CASQ2: variants seen among roughly 807,000 people sequenced by gnomAD.
CASQ2 encodes the protein calsequestrin-2.
Under a neutral mutation model 46.5 loss-of-function variants are expected in CASQ2, and 49 were observed. The observed-to-expected ratio is 1.05, with a 90% CI of 0.84 to 1.34. The LOEUF (loss-of-function observed/expected upper bound fraction) is 1.34. CASQ2 is among the 40% of genes most tolerant of loss of function. The pLI is 0.00. For missense variants in CASQ2, 486 were observed against 481.3 expected (o/e 1.01, Z -0.09); for synonymous variants, 174 against 168.5 (o/e 1.03, Z -0.25).
At chr1:115,707,608 C>T (rs1654402812) in intron 8 of CASQ2, among the ~76,000 whole-genome samples, 1 of 152,188 alleles carries the variant, frequency 6.6e-6, no homozygotes, top group Non-Finnish European at 1.5e-5. Context: ...GTCCTTTGGC[C>T]ATGTGTCTGT....
intron 8 of CASQ2, among the ~76,000 whole-genome samples, chr1:115,712,837 T>C (rs1200410422): frequency 8.3e-6 from 1 of 121,010 alleles, no homozygotes; most frequent in East Asian, 2.4e-4. Context: ...GCCTGAGCAA[T>C]AGAGGGAGAC....
In CASQ2 at chr1:115,725,582, AAAG is replaced by A; in HGVS notation, c.738-32_738-30del. On this transcript the variant is annotated intron_variant, in intron 6 of 10. Coordinates refer to ENST00000261448, the MANE Select transcript of CASQ2 (RefSeq NM_001232.4). Reference sequence around the variant, plus strand: ...GAAAAAAAAAAAAAAAAAAAAAAAGAAAGAGCTTCCTTGAGTAGGGATCACTGT... The same window carrying A: ...GAAAAAAAAAAAAAAAAAAAAAAAGAAGCTTCCTTGAGTAGGGATCACTGT... 2.5e-6 allele frequency: 4 copies of A among 1,581,580 alleles called. No individual in the cohort carries two copies. The African/African-American group carries it at 5.6e-5, about 22-fold the overall frequency.
At chr1:115,744,005 G>C (rs7515275) in intron 2 of CASQ2, among the ~76,000 whole-genome samples, 1 of 151,194 alleles carries the variant, frequency 6.6e-6, no homozygotes, top group Admixed American at 6.6e-5. Context: ...TGAACTGAGC[G>C]TGGTGGCGTG....
At chr1:115,744,765 T>G (rs1280846481) in intron 2 of CASQ2, 63 bp downstream of exon 2, 1 of 1,103,364 alleles carries the variant, frequency 9.1e-7, no homozygotes, top group Admixed American at 1.7e-5. Flanking sequence ...GCAACTGTAC[T>G]TTTCCTTTTG....
intron 3 of CASQ2, among the ~76,000 whole-genome samples, chr1:115,740,447 A>C (rs1353833272): frequency 1.3e-5 from 2 of 152,206 alleles, no homozygotes; most frequent in Non-Finnish European, 2.9e-5. Flanking sequence ...GCAGTGGAGC[A>C]AAACCAAGGA....
At chr1:115,742,570 C>G (rs1334177459) in intron 2 of CASQ2, among the ~76,000 whole-genome samples, 1 of 152,176 alleles carries the variant, frequency 6.6e-6, no homozygotes, top group African/African-American at 2.4e-5. Flanking sequence ...TATCAAGCGC[C>G]ATCATATTCT....
At position 115,767,371 on chromosome 1, in the gene CASQ2, A is replaced by T. The variant is rs967788175; in HGVS notation, c.234+937T>A. Among the ~76,000 whole-genome samples the T allele has an allele frequency of 3.3e-5, 5 of 152,278 alleles. No individual in the cohort carries two copies. In the East Asian group the frequency reaches 5.8e-4, roughly 18 times the overall value. Reference sequence around the variant, plus strand: ...ACAGTCAATTTTTCAATTTGAAAAAATTCAAATCCACATGGGTTTTATATG... The same window carrying T: ...ACAGTCAATTTTTCAATTTGAAAAATTTCAAATCCACATGGGTTTTATATG... On this transcript the variant is annotated intron_variant, in intron 1 of 10. Coordinates refer to ENST00000261448, the MANE Select transcript of CASQ2 (RefSeq NM_001232.4).
intron 1 of CASQ2, among the ~76,000 whole-genome samples, chr1:115,753,709 G>C (rs1648660549): frequency 6.6e-6 from 1 of 152,152 alleles, no homozygotes; most frequent in African/African-American, 2.4e-5. Flanking sequence ...CTCTAACCCA[G>C]GGAAAGACAG....
Position 115,702,778 on chromosome 1 carries a change from A to G in CASQ2, c.1014+143T>C, listed in dbSNP as rs373214227. On this transcript the variant is annotated intron_variant, in intron 10 of 10. Transcript: ENST00000261448. ...CTGGCTCGGAGACCAGGCGTGGAAC[A>G]CACTGGCAAGTTTCCTTGAGCAGGA... 46 of 703,058 alleles carry G rather than the reference A, an allele frequency of 6.5e-5. 1 individual carries two copies. The highest frequency in any genetic ancestry group is 6.3e-4 in the East Asian group (23 of 36,728). The allele number at this position is 703,058 out of a possible 1,614,324, so 43.6% of individuals were successfully genotyped here.
intron 1 of CASQ2, among the ~76,000 whole-genome samples, chr1:115,753,062 G>A (rs992084348): frequency 2.6e-5 from 4 of 152,208 alleles, no homozygotes; most frequent in African/African-American, 9.7e-5. Flanking sequence ...CAAAGTGGAG[G>A]ACACACAGTG....
intron 10 of CASQ2, among the ~76,000 whole-genome samples, chr1:115,702,656 T>C (rs760196806): frequency 2.8e-4 from 43 of 152,318 alleles, no homozygotes; most frequent in Non-Finnish European, 6.0e-4. Flanking sequence ...GAGAGTTTAC[T>C]TGAAGGGAAA....
At chr1:115,760,606 C>G (rs1431670016) in intron 1 of CASQ2, among the ~76,000 whole-genome samples, 1 of 152,220 alleles carries the variant, frequency 6.6e-6, no homozygotes, top group African/African-American at 2.4e-5. Flanking sequence ...GGCCTTCAAA[C>G]TTGGCTGCAT....
chr1:115,710,910 T>G (rs1435321766), intron 8 of CASQ2, among the ~76,000 whole-genome samples: 1 of 152,094 alleles, frequency 6.6e-6, no homozygotes. Context: ...AAACTGGTGA[T>G]TATCCTCTTC....
chr1:115,747,413 C>A (rs1047887124), intron 1 of CASQ2, among the ~76,000 whole-genome samples: 2 of 152,286 alleles, frequency 1.3e-5, no homozygotes. Flanking sequence ...TAGACTATCT[C>A]TTTTCACTTT....
At chr1:115,730,088 A>T (rs913394930) in intron 5 of CASQ2, among the ~76,000 whole-genome samples, 15 of 152,226 alleles carry the variant, frequency 9.9e-5, no homozygotes, top group Non-Finnish European at 2.2e-4. Flanking sequence ...TAGTATTAAT[A>T]GATCAGTACT....
intron 7 of CASQ2, among the ~76,000 whole-genome samples, chr1:115,721,250 G>C (rs1383575925): frequency 6.6e-6 from 1 of 152,164 alleles, no homozygotes; most frequent in African/African-American, 2.4e-5. Flanking sequence ...GGGCCACTTG[G>C]CTAGATGGAG....
At chr1:115,761,838 T>C (rs1340405248) in intron 1 of CASQ2, among the ~76,000 whole-genome samples, 1 of 152,086 alleles carries the variant, frequency 6.6e-6, no homozygotes, top group Non-Finnish European at 1.5e-5. Context: ...TAATAGATAA[T>C]CTGCATGAGT....
At chr1:115,754,772 C>T (rs58451294) in intron 1 of CASQ2, among the ~76,000 whole-genome samples, 10,429 of 152,262 alleles carry the variant, frequency 0.068, 1,215 homozygotes, top group African/African-American at 0.24. Context: ...CACAACTTAA[C>T]TGATCTTCAA....
intron 2 of CASQ2, 29 bp downstream of exon 2, chr1:115,744,799 A>G: frequency 1.3e-6 from 2 of 1,482,126 alleles, no homozygotes; most frequent in Middle Eastern, 1.7e-4. Flanking sequence ...TTTCTTTCCC[A>G]CATACAGTAT....
Sources: gnomAD v4.1 joint callset for allele counts (sites outside exome capture counted in the v4.1 genomes callset) on GRCh38, gnomAD v4.1.1 for gene constraint, MANE v1.5 for transcripts, NCBI Gene and HGNC (gene_info 2026-07-23, HGNC 2026-07-21) for gene names.